AJAP1: variants seen among roughly 807,000 people sequenced by gnomAD.
The protein encoded by AJAP1 is adherens junctions associated protein 1.
Under a neutral mutation model 35.0 loss-of-function variants are expected in AJAP1, and 5 were observed. That is an observed-to-expected ratio of 0.14 (90% confidence interval 0.07 to 0.30). The LOEUF is 0.30. Among genes scored for constraint, AJAP1 ranks in the 10% least tolerant of loss-of-function variants. The probability of loss-of-function intolerance (pLI) is 1.00; values close to 1 mark genes in which losing one functional copy is unlikely to be tolerated. For missense variants in AJAP1, 586 were observed against 571.0 expected, an observed-to-expected ratio of 1.03 and a Z score of -0.27; for synonymous variants, 284 against 249.3, an observed-to-expected ratio of 1.14 and a Z score of -1.31.
At chr1:4,711,504 GT>G (rs1172982258) in intron 1 of AJAP1, among the ~76,000 whole-genome samples, 1 of 152,214 alleles carries the variant, frequency 6.6e-6, no homozygotes, top group African/African-American at 2.4e-5. Context: ...TCCTCTCGTC[GT>G]GTGATGGGCA....
chr1:4,724,760 A>C lies in AJAP1; in HGVS notation c.829+12061A>C, dbSNP rs142918926. Among the ~76,000 whole-genome samples the C allele has an allele frequency of 2.4e-3, 367 of 151,550 alleles. 6 individuals are homozygous for C. Among genetic ancestry groups the C allele is most frequent in the Admixed American group, 0.019 (293 of 15,262 alleles). ...TGTCTGAACAGTTTTTTAAAATGCAACTTCTGGGCTTAGAGACAGCTGCAG... is the reference window on the plus strand; with the variant it reads ...TGTCTGAACAGTTTTTTAAAATGCACCTTCTGGGCTTAGAGACAGCTGCAG... On this transcript the variant is annotated intron_variant, in intron 2 of 5. Transcript: ENST00000378191.
rs1642233827 is a variant in AJAP1 at position 4,790,653 on chromosome 1, G to A, written c.*8168G>A. 6.6e-6 allele frequency: 1 copy of A among 152,196 alleles called. No individual in the cohort carries two copies. Among genetic ancestry groups the A allele is most frequent in the Non-Finnish European group, 1.5e-5 (1 of 68,034 alleles). The allele number at this position is 152,196 out of a possible 1,614,324, so 9.4% of individuals were successfully genotyped here. A position where few individuals can be genotyped will look rare whatever the true frequency, so the allele number is the denominator to read the frequency against. On this transcript the variant is annotated 3_prime_UTR_variant, in exon 6 of 6. Transcript: ENST00000378191. ...TTCCTCTGAAGCCAGAGGGTGAAAG[G>A]CCCTAGCAAAGTTAGTTATCAGTCA...
At chr1:4,762,753 A>T (rs1641598456) in intron 2 of AJAP1, among the ~76,000 whole-genome samples, 1 of 152,118 alleles carries the variant, frequency 6.6e-6, no homozygotes, top group Non-Finnish European at 1.5e-5. Context: ...GGGGACCCCA[A>T]ATGGCACTGT....
rs558410767 is a variant in AJAP1 at position 4,716,893 on chromosome 1, G to A, written c.829+4194G>A. Among the ~76,000 whole-genome samples, 6 of 152,272 alleles carry A rather than the reference G, an allele frequency of 3.9e-5. No homozygotes were observed. The East Asian group carries it at 5.8e-4, about 15-fold the overall frequency. On this transcript the variant is annotated intron_variant, in intron 2 of 5. Transcript: ENST00000378191. ...CTGCAGCCATGTCCCTGACCTTGGC[G>A]CTCTGTACAGAAGTGTAGATGGCAC...
At chr1:4,747,503 C>T (rs1391899094) in intron 2 of AJAP1, among the ~76,000 whole-genome samples, 1 of 152,218 alleles carries the variant, frequency 6.6e-6, no homozygotes, top group Admixed American at 6.5e-5. Flanking sequence ...TGAGGTCTGG[C>T]TGTGCCGCCC....
chr1:4,762,278 A>T (rs909570021), intron 2 of AJAP1, among the ~76,000 whole-genome samples: 1 of 152,176 alleles, frequency 6.6e-6, no homozygotes, highest in East Asian at 1.9e-4. Flanking sequence ...CTTGCCCCCA[A>T]TTCCCTCAGG....
chr1:4,660,666 G>A (rs530369965), intron 1 of AJAP1, among the ~76,000 whole-genome samples: 54 of 152,054 alleles, frequency 3.6e-4, no homozygotes, highest in Non-Finnish European at 6.0e-4. Flanking sequence ...CTTTTTTAGG[G>A]GTCGTGTATT....
At chr1:4,771,598 C>A (rs563638400) in intron 3 of AJAP1, among the ~76,000 whole-genome samples, 5 of 152,250 alleles carry the variant, frequency 3.3e-5, no homozygotes, top group African/African-American at 1.2e-4. Context: ...TTCGTCGAGT[C>A]CCTGGACAGA....
intron 2 of AJAP1, among the ~76,000 whole-genome samples, chr1:4,753,923 A>G (rs1406375680): frequency 6.6e-6 from 1 of 152,128 alleles, no homozygotes; most frequent in Non-Finnish European, 1.5e-5. Flanking sequence ...TACTTATTCT[A>G]TGAGACTATG....
intron 2 of AJAP1, among the ~76,000 whole-genome samples, chr1:4,717,613 G>A (rs771214639): frequency 1.3e-5 from 2 of 152,164 alleles, no homozygotes; most frequent in African/African-American, 2.4e-5. Flanking sequence ...CCTTGTCACC[G>A]AGTGGGAGCG....
intron 2 of AJAP1, among the ~76,000 whole-genome samples, chr1:4,749,851 C>T (rs955158267): frequency 6.6e-6 from 1 of 152,202 alleles, no homozygotes; most frequent in African/African-American, 2.4e-5. Context: ...TGTGTTTGTC[C>T]ATGCCCGTGC....
intron 5 of AJAP1, among the ~76,000 whole-genome samples, chr1:4,775,045 A>C (rs1465895843): frequency 2.0e-5 from 3 of 152,160 alleles, no homozygotes; most frequent in Non-Finnish European, 4.4e-5. Context: ...TAAAAATAAG[A>C]GATAAGAAAG....
rs991707249 is a variant in AJAP1 at position 4,655,054 on chromosome 1, C to G, written c.-372C>G. 2 of 150,776 alleles carry G rather than the reference C, an allele frequency of 1.3e-5. No homozygotes were observed. Among genetic ancestry groups the G allele is most frequent in the African/African-American group, 4.8e-5 (2 of 41,318 alleles). 9.3% of individuals were successfully genotyped at this position (150,776 alleles called of 1,614,324 possible). ...CCGCCGGCCTCCCTCCTCGCCGCCC[C>G]GGAGGGCGAAGCCGCGGCTCCCCAG... On this transcript the variant is annotated 5_prime_UTR_variant, in exon 1 of 6. Transcript: ENST00000378191. The surrounding 1 kb of genome is among the most constrained non-coding windows in gnomAD (Gnocchi z 6.9).
Position 4,656,247 on chromosome 1 carries a change from G to T in AJAP1, c.29+793G>T, listed in dbSNP as rs1638878557. On this transcript the variant is annotated intron_variant, in intron 1 of 5. Coordinates refer to ENST00000378191, the MANE Select transcript of AJAP1 (RefSeq NM_018836.4). The surrounding 1 kb of genome is among the most constrained non-coding windows in gnomAD (Gnocchi z 5.7). ...AGACCCTTCTCGGCAAACTTTGCCA[G>T]CCCGCCGGGGTTCTCGGGCTTCTCT... Among the ~76,000 whole-genome samples the T allele has an allele frequency of 6.6e-6, 1 of 152,176 alleles. No individual in the cohort carries two copies. Among genetic ancestry groups the T allele is most frequent in the African/African-American group, 2.4e-5 (1 of 41,458 alleles).
chr1:4,660,822 T>G (rs1378352286), intron 1 of AJAP1, among the ~76,000 whole-genome samples: 1 of 152,156 alleles, frequency 6.6e-6, no homozygotes, highest in Admixed American at 6.5e-5. Flanking sequence ...GCTAATGTTA[T>G]GAGATCCATC....
At chr1:4,737,466 T>C (rs866512878) in intron 2 of AJAP1, among the ~76,000 whole-genome samples, 6 of 151,802 alleles carry the variant, frequency 4.0e-5, no homozygotes, top group Middle Eastern at 3.4e-3. Flanking sequence ...GCAGTGCAAG[T>C]GCAAGCAGAG....
intron 1 of AJAP1, among the ~76,000 whole-genome samples, chr1:4,680,651 C>G (rs149873876): frequency 2.6e-5 from 4 of 152,300 alleles, no homozygotes; most frequent in African/African-American, 9.6e-5. Context: ...TAAAGCCACC[C>G]TTGAGTCTGG....
intron 1 of AJAP1, among the ~76,000 whole-genome samples, chr1:4,690,416 C>G (rs978546908): frequency 6.6e-6 from 1 of 152,198 alleles, no homozygotes; most frequent in Non-Finnish European, 1.5e-5. Flanking sequence ...CACTGGCAGC[C>G]CCCACAGCTA....
intron 1 of AJAP1, among the ~76,000 whole-genome samples, chr1:4,709,012 C>T (rs1290021113): frequency 6.6e-6 from 1 of 152,206 alleles, no homozygotes; most frequent in Admixed American, 6.5e-5. Flanking sequence ...AGCTGGGTGT[C>T]TTAGAAATGA....
Sources: allele counts gnomAD v4.1 joint callset (sites outside exome capture counted in the v4.1 genomes callset), GRCh38; gene constraint gnomAD v4.1.1; non-coding constraint Gnocchi (gnomAD v3.1); transcripts MANE v1.5; gene names NCBI Gene and HGNC (gene_info 2026-07-23, HGNC 2026-07-21).